The following GTF2F2 variants were observed in gnomAD, a reference collection of about 807,000 sequenced individuals.
GTF2F2 encodes general transcription factor IIF subunit 2, also known as ATP-dependent helicase GTF2F2.
A neutral mutation model predicts 42.2 loss-of-function variants in GTF2F2; 23 were observed. That is an observed-to-expected ratio of 0.55 (90% CI 0.39 to 0.77). The LOEUF is 0.77. GTF2F2 is among the 30% of genes least tolerant of loss of function. The pLI, the probability that GTF2F2 is intolerant of heterozygous loss-of-function variation, is 0.00. For synonymous variants in GTF2F2, 105 were observed against 100.8 expected, an observed-to-expected ratio of 1.04 and a Z score of -0.25; for missense variants, 261 against 287.2, an observed-to-expected ratio of 0.91 and a Z score of 0.66.
At chr13:45,259,762 A>G (rs576354540) in intron 6 of GTF2F2, among the ~76,000 whole-genome samples, 1 of 135,224 alleles carries the variant, frequency 7.4e-6, no homozygotes, top group South Asian at 2.2e-4. Flanking sequence ...GATTCATGCC[A>G]TTCTCCTGCC....
At chr13:45,275,003 C>T (rs1411607072) in intron 7 of GTF2F2, among the ~76,000 whole-genome samples, 1 of 152,088 alleles carries the variant, frequency 6.6e-6, no homozygotes, top group African/African-American at 2.4e-5. Context: ...TTCCATTGCC[C>T]TAAAAAGAAA....
At chr13:45,128,902 T>A (rs1273747201) in intron 1 of GTF2F2, among the ~76,000 whole-genome samples, 1 of 152,126 alleles carries the variant, frequency 6.6e-6, no homozygotes, top group Non-Finnish European at 1.5e-5. Context: ...ACAATGTTTT[T>A]AAGTTGGCAG....
chr13:45,237,997 A>T (rs1875078024), intron 5 of GTF2F2, among the ~76,000 whole-genome samples: 1 of 152,202 alleles, frequency 6.6e-6, no homozygotes, highest in African/African-American at 2.4e-5. Context: ...TCTGTAGCCC[A>T]GGCTGGAGTG....
intron 5 of GTF2F2, among the ~76,000 whole-genome samples, chr13:45,235,526 T>C (rs1267786083): frequency 3.3e-5 from 5 of 151,982 alleles, no homozygotes; most frequent in Non-Finnish European, 7.4e-5. Context: ...CTAATGAAAT[T>C]AGCAAATTAA....
rs141279102 is a variant in GTF2F2 at position 45,158,477 on chromosome 13, C to G, written c.304+6646C>G. On this transcript the variant is annotated intron_variant, in intron 4 of 7. Transcript: ENST00000340473. ...AATACACCACTTAATCCAAAGCAAC[C>G]CTCTGAAAACTCCACCCATCATCCC... Among the ~76,000 whole-genome samples, 45 of 152,266 alleles carry G rather than the reference C, an allele frequency of 3.0e-4. No individual in the cohort carries two copies. The East Asian group carries it at 5.6e-3, about 19-fold the overall frequency.
At chr13:45,180,981 T>G (rs1872128035) in intron 4 of GTF2F2, among the ~76,000 whole-genome samples, 1 of 151,714 alleles carries the variant, frequency 6.6e-6, no homozygotes, top group Admixed American at 6.6e-5. Context: ...GCCAGCACAG[T>G]GAAACCCCGT....
At chr13:45,162,734 ATAT>A (rs1402018535) in intron 4 of GTF2F2, among the ~76,000 whole-genome samples, 2 of 152,214 alleles carry the variant, frequency 1.3e-5, no homozygotes, top group Non-Finnish European at 2.9e-5. Flanking sequence ...GTGTAGGATA[ATAT>A]TAAGGTTTGG....
intron 4 of GTF2F2, among the ~76,000 whole-genome samples, chr13:45,184,235 G>A (rs1872304635): frequency 6.6e-6 from 1 of 152,090 alleles, no homozygotes; most frequent in Non-Finnish European, 1.5e-5. Context: ...AACAACCATA[G>A]ATGATTTCTT....
intron 1 of GTF2F2, chr13:45,123,914 CTT>C (rs1868826676): frequency 4.9e-6 from 2 of 404,312 alleles, no homozygotes; most frequent in Non-Finnish European, 9.3e-6. Context: ...AGGGGAGAGT[CTT>C]AGTGTGGTTG....
rs756674283 is a variant in GTF2F2 at position 45,280,387 on chromosome 13, G to A, written c.631-3055G>A. On this transcript the variant is annotated intron_variant, in intron 7 of 7. Coordinates refer to ENST00000340473, the MANE Select transcript of GTF2F2 (RefSeq NM_004128.3). Reference sequence around the variant, plus strand: ...TAGAGATTTTCCCTTCAGAGACCTTGTTTTTCCCTATCGTCACTACTACTT... The same window carrying A: ...TAGAGATTTTCCCTTCAGAGACCTTATTTTTCCCTATCGTCACTACTACTT... Among the ~76,000 whole-genome samples the A allele has an allele frequency of 2.0e-4, 30 of 152,182 alleles. 1 individual carries two copies. Among genetic ancestry groups the A allele is most frequent in the Non-Finnish European group, 3.5e-4 (24 of 68,034 alleles).
rs556288764 is a variant in GTF2F2 at position 45,227,876 on chromosome 13, A to T, written c.386+20371A>T. Among the ~76,000 whole-genome samples, 632 of 152,182 alleles carry T rather than the reference A, an allele frequency of 4.2e-3. 2 individuals are homozygous for T. Among genetic ancestry groups the T allele is most frequent in the Non-Finnish European group, 7.3e-3 (496 of 68,002 alleles). ...CAAATGCCCAGGGAATAAGGGAAAAATTTTCTGGGGAGGTGATGGCCCAAG... is the reference window on the plus strand; with the variant it reads ...CAAATGCCCAGGGAATAAGGGAAAATTTTTCTGGGGAGGTGATGGCCCAAG... On this transcript the variant is annotated intron_variant, in intron 5 of 7. Transcript: ENST00000340473.
At chr13:45,275,896 T>G (rs1593531641) in intron 7 of GTF2F2, among the ~76,000 whole-genome samples, 1 of 152,226 alleles carries the variant, frequency 6.6e-6, no homozygotes, top group East Asian at 1.9e-4. Context: ...CCACAATGGT[T>G]GAACTAGTTT....
At chr13:45,268,780 A>G (rs1412463954) in intron 7 of GTF2F2, among the ~76,000 whole-genome samples, 1 of 152,180 alleles carries the variant, frequency 6.6e-6, no homozygotes, top group Admixed American at 6.5e-5. Context: ...ATGGAAAATA[A>G]TCACTTGTAG....
At chr13:45,273,007 A>G (rs1350802329) in intron 7 of GTF2F2, among the ~76,000 whole-genome samples, 1 of 144,866 alleles carries the variant, frequency 6.9e-6, no homozygotes, top group East Asian at 2.1e-4. Context: ...GCTCACTGCA[A>G]CCTCCGCCTC....
At chr13:45,264,905 A>T (rs1437566296) in intron 6 of GTF2F2, among the ~76,000 whole-genome samples, 6 of 152,172 alleles carry the variant, frequency 3.9e-5, no homozygotes, top group African/African-American at 1.4e-4. Context: ...TTTACACAAG[A>T]AACAGCCTAC....
chr13:45,226,420 G>T (rs1202994903), intron 5 of GTF2F2, among the ~76,000 whole-genome samples: 1 of 152,068 alleles, frequency 6.6e-6, no homozygotes, highest in African/African-American at 2.4e-5. Flanking sequence ...GGTTTGAGAT[G>T]GCACTTTAAA....
At chr13:45,182,695 T>G (rs990343365) in intron 4 of GTF2F2, among the ~76,000 whole-genome samples, 2 of 152,166 alleles carry the variant, frequency 1.3e-5, no homozygotes, top group Admixed American at 6.5e-5. Context: ...TGGAAGAATT[T>G]TTAGTTCATT....
In GTF2F2 at chr13:45,158,470, A is replaced by G. The variant is rs566537532; in HGVS notation, c.304+6639A>G. 2.0e-5 allele frequency among the ~76,000 whole-genome samples: 3 copies of G among 152,252 alleles called. No homozygotes were observed. The South Asian group carries it at 6.2e-4, about 32-fold the overall frequency. ...ACAGACTAATACACCACTTAATCCA[A>G]AGCAACCCTCTGAAAACTCCACCCA... On this transcript the variant is annotated intron_variant, in intron 4 of 7. Transcript: ENST00000340473.
At chr13:45,250,243 CAG>C (rs1875823248) in intron 5 of GTF2F2, among the ~76,000 whole-genome samples, 2 of 151,678 alleles carry the variant, frequency 1.3e-5, no homozygotes, top group African/African-American at 2.4e-5. Context: ...TTAATAGAGA[CAG>C]GGTTTCACCA....
Sources: allele counts gnomAD v4.1 joint callset (sites outside exome capture counted in the v4.1 genomes callset), GRCh38; gene constraint gnomAD v4.1.1; transcripts MANE v1.5; gene names NCBI Gene and HGNC (gene_info 2026-07-23, HGNC 2026-07-21).